The following ALOXE3 variants were observed in gnomAD, a reference collection of about 807,000 sequenced individuals.
The protein encoded by ALOXE3 is arachidonate epidermal lipoxygenase 3, also known as hydroperoxide isomerase ALOXE3.
Under a neutral mutation model 87.5 loss-of-function variants are expected in ALOXE3, and 78 were observed. The ratio of observed to expected loss-of-function variants is 0.89; its 90% CI spans 0.74 to 1.08. ALOXE3 has a LOEUF of 1.08. Ranked by LOEUF, ALOXE3 falls within the 50% of genes least tolerant of loss-of-function variation. ALOXE3 has a pLI of 0.00. For missense variants in ALOXE3, 946 were observed against 912.4 expected (o/e 1.04, Z -0.47); for synonymous variants, 363 against 370.8 (o/e 0.98, Z 0.24).
intron 3 of ALOXE3, 145 bp from the exon 4 acceptor site, chr17:8,115,833 G>A (rs1035398244): frequency 1.1e-5 from 8 of 745,060 alleles, no homozygotes; most frequent in African/African-American, 8.7e-5. Flanking sequence ...CGTTCTTTGT[G>A]TATTCATCAG....
Position 8,108,526 on chromosome 17 carries a change from C to T in ALOXE3, c.1626G>A (p.Glu542=), listed in dbSNP as rs139454209. ...PSDASVQQDS[E]LQAWTGEIFA... ...AAATCTCGCCAGTCCAGGCCTGCAG[C>T]TCCGAATCCTGCTGCACAGATGCGT... Residue 542 remains glutamate (E), a synonymous_variant, in exon 13 of 16, where the codon GAG becomes GAA. Coordinates refer to ENST00000448843, the MANE Select transcript of ALOXE3 (RefSeq NM_021628.3). The T allele has an allele frequency of 2.0e-3, 3,173 of 1,613,620 alleles. 5 individuals are homozygous for T. The highest frequency in any genetic ancestry group is 2.8e-3 in the Middle Eastern group (17 of 5,996).
Position 8,108,697 on chromosome 17 carries a change from G to T in ALOXE3, c.1563-108C>A. On this transcript the variant is annotated intron_variant, in intron 12 of 15. Transcript: ENST00000448843. ...CGGCAGAGAGACAGATAGCCATGGG[G>T]GTTCAGCAGGGACCCCCAGGTGCAG... 2.0e-6 allele frequency: 3 copies of T among 1,498,826 alleles called. No individual in the cohort carries two copies. The South Asian group carries it at 3.4e-5, about 17-fold the overall frequency. 92.8% of individuals were successfully genotyped at this position (1,498,826 alleles called of 1,614,324 possible).
chr17:8,097,543 G>A (rs1424359597), intron 15 of ALOXE3, among the ~76,000 whole-genome samples: 1 of 152,062 alleles, frequency 6.6e-6, no homozygotes, highest in East Asian at 1.9e-4. Flanking sequence ...ATCCTCCACT[G>A]CCACACTTTA....
At chr17:8,114,789 C>A (rs1208279079) in intron 5 of ALOXE3, 149 bp downstream of exon 5, 7 of 1,457,570 alleles carry the variant, frequency 4.8e-6, no homozygotes, top group Admixed American at 1.7e-5. Flanking sequence ...CTGTGCCAGA[C>A]CCTTTGGGGC....
rs3027205 is a variant in ALOXE3 at position 8,109,193 on chromosome 17, T to A, written c.1543A>T (p.Ile515Phe). 6.2e-7 allele frequency: 1 copy of A among 1,613,534 alleles called. No individual in the cohort carries two copies. Among genetic ancestry groups the A allele is most frequent in the Non-Finnish European group, 8.5e-7 (1 of 1,180,016 alleles). The change falls in exon 12 of 16, where the codon ATC (isoleucine) becomes TTC (phenylalanine). Residue 515 changes from isoleucine (I) to phenylalanine (F), a missense_variant. Physicochemically the swap from Ile to Phe is conservative, Grantham distance 21. Transcript: ENST00000448843. Reference protein sequence around the residue: ...NYHYRDDGLKIWAAIESFVSE... With the variant: ...NYHYRDDGLKFWAAIESFVSE... ...TCGCACCTCTCAATGGCCGCCCAGA[T>A]CTTCAGGCCGTCGTCTCGGTAGTGG...
Position 8,096,447 on chromosome 17 carries a change from A to C in ALOXE3, c.*180T>G. ...CTGGACGCTGCTGTGCTGGTCTCTC[A>C]CAGCTCAGGGCCCAGTTTGTATGAT... On this transcript the variant is annotated 3_prime_UTR_variant, in exon 16 of 16. Coordinates refer to ENST00000448843, the MANE Select transcript of ALOXE3 (RefSeq NM_021628.3). 1 of 632,614 alleles carries C rather than the reference A, an allele frequency of 1.6e-6. No homozygotes were observed. The highest frequency in any genetic ancestry group is 2.9e-6 in the Non-Finnish European group (1 of 349,268). 39.2% of individuals were successfully genotyped at this position (632,614 alleles called of 1,614,324 possible).
In ALOXE3 at chr17:8,105,335, C is replaced by G. The variant is rs140353822; in HGVS notation, c.1685-1120G>C. Among the ~76,000 whole-genome samples, 29 of 142,784 alleles carry G rather than the reference C, an allele frequency of 2.0e-4. No homozygotes were observed. The South Asian group carries it at 6.3e-3, about 31-fold the overall frequency. The allele number at this position is 142,784 out of a possible 152,430, so 93.7% of individuals were successfully genotyped here. ...ACTCTTGCCCCAATTATCTTCAGAA[C>G]TAGCACCTCTCCTTCCTTCAGCTAC... On this transcript the variant is annotated intron_variant, in intron 13 of 15. Transcript: ENST00000448843.
chr17:8,107,772 C>G (rs2151834784), intron 13 of ALOXE3, among the ~76,000 whole-genome samples: 1 of 143,332 alleles, frequency 7.0e-6, no homozygotes, highest in East Asian at 2.1e-4. Flanking sequence ...GCACTCCAGC[C>G]TGGGCGACAG....
Position 8,108,539 on chromosome 17 carries a change from T to C in ALOXE3, c.1613A>G (p.Gln538Arg). Residue 538 changes from glutamine (Q) to arginine (R), a missense_variant, in exon 13 of 16, where the codon CAG becomes CGG. By Grantham distance (43) the Gln-to-Arg change is conservative (BLOSUM62 1). Transcript: ENST00000448843. ...GYYYPSDASVQQDSELQAWTG... is the reference protein window; with the variant it reads ...GYYYPSDASVRQDSELQAWTG... ...CCAGGCCTGCAGCTCCGAATCCTGC[T>C]GCACAGATGCGTCACTGGGATAATA... 6.2e-7 allele frequency: 1 copy of C among 1,613,478 alleles called. No homozygotes were observed. The highest frequency in any genetic ancestry group is 1.3e-5 in the African/African-American group (1 of 75,028).
rs770769194 is a variant in ALOXE3 at position 8,112,106 on chromosome 17, C to T, written c.771G>A (p.Lys257=). 4 of 1,614,136 alleles carry T rather than the reference C, an allele frequency of 2.5e-6. No homozygotes were observed. Among genetic ancestry groups the T allele is most frequent in the African/African-American group, 1.3e-5 (1 of 75,026 alleles). ...DDMQNIFWCH[K]TFTTKYVTEH... ...GGCTCTGCTCACTTGTCGTGAAGGT[C>T]TTATGGCACCAGAAGATGTTCTGCA... Residue 257 remains lysine (K), a synonymous_variant, in exon 7 of 16, where the codon AAG becomes AAA. Coordinates refer to ENST00000448843, the MANE Select transcript of ALOXE3 (RefSeq NM_021628.3).
chr17:8,103,311 C>A lies in ALOXE3; in HGVS notation c.1956+12G>T. ...AAAGAACCCTACTCCCCTCAACATC[C>A]CGTATACACACCTGGTCCTTGGGTT... is the stretch of plus-strand genomic sequence containing the variant. On this transcript the variant is annotated intron_variant, in intron 15 of 15. Transcript: ENST00000448843. 1 of 1,613,432 alleles carries A rather than the reference C, an allele frequency of 6.2e-7. No individual in the cohort carries two copies. The highest frequency in any genetic ancestry group is 1.1e-5 in the South Asian group (1 of 90,882).
rs1052926607 is a variant in ALOXE3, at chr17:8,110,219, G to T, written c.1178C>A (p.Thr393Lys). The T allele has an allele frequency of 3.1e-6, 5 of 1,613,998 alleles. No individual in the cohort carries two copies. The African/African-American group carries it at 5.3e-5, about 17-fold the overall frequency. ...CAGGAACTCAGAGTTGCGCACCCAC[G>T]TCTTGGCCAGCAGCCAGTCCCATTC... The part of the protein sequence containing the change: ...DSEWDWLLAK[T>K]WVRNSEFLVH... Residue 393 changes from threonine to lysine, a missense_variant, in exon 10 of 16, where the codon ACG becomes AAG. Thr to Lys is a moderately conservative substitution (Grantham distance 78, BLOSUM62 -1). Transcript: ENST00000448843.
chr17:8,104,399 A>G (rs1311810175), intron 13 of ALOXE3, among the ~76,000 whole-genome samples, 184 bp from the exon 14 acceptor site: 2 of 152,078 alleles, frequency 1.3e-5, no homozygotes, highest in African/African-American at 4.8e-5. Flanking sequence ...GTGGGTCAGG[A>G]TAGGAGATGG....
chr17:8,099,113 T>C (rs1978761461), intron 15 of ALOXE3, among the ~76,000 whole-genome samples: 1 of 151,164 alleles, frequency 6.6e-6, no homozygotes, highest in South Asian at 2.1e-4. Context: ...TTGCCTCTGC[T>C]TCCCAAAGTG....
chr17:8,114,659 G>A (rs1980424977), intron 5 of ALOXE3, 50 bp from the exon 6 acceptor site: 1 of 1,611,834 alleles, frequency 6.2e-7, no homozygotes, highest in Non-Finnish European at 8.5e-7. Context: ...GGGCCCTGAA[G>A]CCCAGCTGCT....
rs1978554967 is a variant in ALOXE3, at chr17:8,096,613, G to GT, written c.*13dup. On this transcript the variant is annotated 3_prime_UTR_variant, in exon 16 of 16. Coordinates refer to ENST00000448843, the MANE Select transcript of ALOXE3 (RefSeq NM_021628.3). ...TTGGACCTTTCTTTCTTCTTGGGTG[G>GT]TATTTGGGGGTGGTTAGATGGAGAC... 8.8e-7 allele frequency: 1 copy of GT among 1,130,536 alleles called. No individual in the cohort carries two copies. Among genetic ancestry groups the GT allele is most frequent in the Non-Finnish European group, 1.4e-6 (1 of 738,526 alleles). 70.0% of individuals were successfully genotyped at this position (1,130,536 alleles called of 1,614,324 possible). A position where few individuals can be genotyped will look rare whatever the true frequency, so the allele number is the denominator to read the frequency against.
upstream of ALOXE3, chr17:8,118,604 A>C (rs1980823743): frequency 6.5e-7 from 1 of 1,532,826 alleles, no homozygotes; most frequent in Non-Finnish European, 8.7e-7. Context: ...ATTCCAGCAC[A>C]TGTCAAATGG....
intron 13 of ALOXE3, among the ~76,000 whole-genome samples, chr17:8,106,699 G>C (rs73241721): frequency 1.3e-5 from 2 of 152,014 alleles, no homozygotes; most frequent in African/African-American, 2.4e-5. Context: ...GGTAGTGTGC[G>C]ACTGTAGTCC....
Position 8,112,170 on chromosome 17 carries a change from A to T in ALOXE3, c.707T>A (p.Leu236Gln), listed in dbSNP as rs1473580518. 1 of 1,614,182 alleles carries T rather than the reference A, an allele frequency of 6.2e-7. No homozygotes were observed. The highest frequency in any genetic ancestry group is 8.5e-7 in the Non-Finnish European group (1 of 1,180,020). ...CTTCCAGGAGCCCTTGCGATCCAACAGCCCTCGAAGCTTCATTCCCAAGGA... is the reference window on the plus strand; with the variant it reads ...CTTCCAGGAGCCCTTGCGATCCAACTGCCCTCGAAGCTTCATTCCCAAGGA... ...PASLGMKLRG[L>Q]LDRKGSWKKL... Residue 236 changes from leucine to glutamine, a missense_variant, in exon 7 of 16, where the codon CTG becomes CAG. Transcript: ENST00000448843.
Sources: gnomAD v4.1 joint callset for allele counts (sites outside exome capture counted in the v4.1 genomes callset) on GRCh38, gnomAD v4.1.1 for gene constraint, MANE v1.5 for transcripts, NCBI Gene and HGNC (gene_info 2026-07-23, HGNC 2026-07-21) for gene names.